The following PRDM1 variants were observed in gnomAD, a reference collection of about 807,000 sequenced individuals.
PRDM1 encodes PR domain zinc finger protein 1.
A neutral mutation model predicts 62.8 loss-of-function variants in PRDM1; 13 were observed. That is an observed-to-expected ratio of 0.21 (90% CI 0.13 to 0.33). The LOEUF is 0.33. PRDM1 is among the 10% of genes least tolerant of loss of function. PRDM1 has a pLI of 1.00. For synonymous variants in PRDM1, 396 were observed against 417.6 expected (o/e 0.95, Z 0.63); for missense variants, 895 against 1,058.8 (o/e 0.85, Z 2.15).
At chr6:106,033,068 G>A (rs1772868884) in intron 1 of PRDM1, among the ~76,000 whole-genome samples, 1 of 38,286 alleles carries the variant, frequency 2.6e-5, no homozygotes, top group South Asian at 1.7e-3. Context: ...CAAAACATGG[G>A]TAGTTTTTTT....
chr6:106,023,273 A>G (rs981097159), intron 1 of PRDM1, among the ~76,000 whole-genome samples: 4 of 151,988 alleles, frequency 2.6e-5, no homozygotes, highest in African/African-American at 7.2e-5. Flanking sequence ...TTCCTCTACT[A>G]TGGGGTATTT....
chr6:106,043,776 C>T (rs1582436242), upstream of PRDM1, among the ~76,000 whole-genome samples: 1 of 152,106 alleles, frequency 6.6e-6, no homozygotes, highest in South Asian at 2.1e-4. Context: ...TCCAGTGATC[C>T]GCCCGCCTCA....
chr6:106,059,983 T>G (rs749883306), intron 1 of PRDM1, among the ~76,000 whole-genome samples: 18 of 152,212 alleles, frequency 1.2e-4, no homozygotes, highest in Non-Finnish European at 1.9e-4. Context: ...GGATTAAGAT[T>G]GATATGTCCA....
chr6:106,069,669 C>T (rs1051502406), intron 1 of PRDM1, among the ~76,000 whole-genome samples: 1 of 152,184 alleles, frequency 6.6e-6, no homozygotes, highest in African/African-American at 2.4e-5. Context: ...GTGCCAAACA[C>T]GTGGAAGGTA....
At position 106,003,285 on chromosome 6, in the gene PRDM1, G is replaced by A. The variant is rs1239072561; in HGVS notation, c.-67+9646G>A. Among the ~76,000 whole-genome samples the A allele has an allele frequency of 2.6e-5, 4 of 152,170 alleles. No individual in the cohort carries two copies. In the East Asian group the frequency reaches 7.7e-4, roughly 29 times the overall value. On this transcript the variant is annotated intron_variant, in intron 1 of 6. Coordinates refer to the PRDM1 transcript ENST00000652320. The stretch of plus-strand genomic sequence containing the variant: ...CACAAATCAGGATCTTCCCTGGCAG[G>A]TCATCAGATACTGACTACTGTGTGT...
chr6:106,059,682 T>A (rs1290629482), intron 1 of PRDM1, among the ~76,000 whole-genome samples: 4 of 152,280 alleles, frequency 2.6e-5, no homozygotes, highest in African/African-American at 9.6e-5. Flanking sequence ...AAGAGGAAGA[T>A]CACTTAGTAG....
intron 3 of PRDM1, among the ~76,000 whole-genome samples, chr6:106,096,583 T>C (rs1405845934): frequency 2.0e-5 from 3 of 152,214 alleles, no homozygotes; most frequent in African/African-American, 7.2e-5. Context: ...CATTTGACAA[T>C]AGGTTAATTA....
In PRDM1 at chr6:106,009,602, A is replaced by G. The variant is rs146372970; in HGVS notation, c.-67+15963A>G. On this transcript the variant is annotated intron_variant, in intron 1 of 6. Transcript: ENST00000652320. Reference sequence around the variant, plus strand: ...GGAAAACTGTATCAAGGTGGAAACCATAAATGAACAAATTAGGGGTGCATG... The same window carrying G: ...GGAAAACTGTATCAAGGTGGAAACCGTAAATGAACAAATTAGGGGTGCATG... Among the ~76,000 whole-genome samples, 46 of 152,360 alleles carry G rather than the reference A, an allele frequency of 3.0e-4. No individual in the cohort carries two copies. The East Asian group carries it at 8.7e-3, about 29-fold the overall frequency.
intron 1 of PRDM1, among the ~76,000 whole-genome samples, chr6:106,042,043 AG>A (rs1256013781): frequency 6.6e-6 from 1 of 151,418 alleles, no homozygotes; most frequent in African/African-American, 2.4e-5. Flanking sequence ...CCAGAACTCA[AG>A]TGATCTGCCC....
intron 1 of PRDM1, among the ~76,000 whole-genome samples, chr6:106,016,908 T>C (rs941308960): frequency 9.9e-5 from 15 of 152,272 alleles, no homozygotes; most frequent in Admixed American, 2.6e-4. Context: ...CGCCTTGGCC[T>C]CCCAAAGTGC....
chr6:106,027,480 G>C (rs1480370085), intron 1 of PRDM1, among the ~76,000 whole-genome samples: 1 of 152,196 alleles, frequency 6.6e-6, no homozygotes, highest in Non-Finnish European at 1.5e-5. Flanking sequence ...TGCTGGGCTT[G>C]TGTGATCAGT....
At chr6:106,098,551 G>A (rs1774176359) in intron 3 of PRDM1, 2 of 1,283,698 alleles carry the variant, frequency 1.6e-6, no homozygotes, top group Non-Finnish European at 2.0e-6. Context: ...CCAGATAAGG[G>A]GTTCCCTTCC....
chr6:106,102,835 C>T (rs1164015819), intron 4 of PRDM1, among the ~76,000 whole-genome samples: 1 of 152,064 alleles, frequency 6.6e-6, no homozygotes, highest in East Asian at 1.9e-4. Context: ...TTTATTCGAG[C>T]GGCATCGTTT....
intron 1 of PRDM1, among the ~76,000 whole-genome samples, chr6:106,074,342 A>G (rs905943458): frequency 7.2e-5 from 11 of 152,194 alleles, no homozygotes; most frequent in Non-Finnish European, 1.3e-4. Context: ...CCACGTACCA[A>G]ACACTTGTGG....
At chr6:106,020,850 A>G (rs1562146140) in intron 1 of PRDM1, among the ~76,000 whole-genome samples, 1 of 152,174 alleles carries the variant, frequency 6.6e-6, no homozygotes, top group Non-Finnish European at 1.5e-5. Context: ...TCACACCTAA[A>G]TCTCAATTTC....
At chr6:106,077,969 T>G (rs995939499) in intron 1 of PRDM1, among the ~76,000 whole-genome samples, 1 of 152,244 alleles carries the variant, frequency 6.6e-6, no homozygotes, top group East Asian at 1.9e-4. Flanking sequence ...TCTTTCTTGC[T>G]CGGTAAATGT....
At chr6:106,010,720 T>C (rs1186839366) in intron 1 of PRDM1, among the ~76,000 whole-genome samples, 3 of 152,214 alleles carry the variant, frequency 2.0e-5, no homozygotes, top group Non-Finnish European at 4.4e-5. Flanking sequence ...CTCTGAAGCA[T>C]GACACCGTGG....
chr6:106,104,862 G>GA lies in PRDM1; in HGVS notation c.707dup (p.Asn236LysfsTer2). Reference sequence around the variant, plus strand: ...GCAGTCTAAAGCAACCGAGCACTGAGAAAAATGAACTCTGCCCAAAGAATG... The same window carrying GA: ...GCAGTCTAAAGCAACCGAGCACTGAGAAAAAATGAACTCTGCCCAAAGAATG... On this transcript the variant is annotated frameshift_variant, in exon 5 of 7. Coordinates refer to ENST00000369096, the MANE Select transcript of PRDM1 (RefSeq NM_001198.4). LOFTEE classifies it high-confidence loss of function. The GA allele has an allele frequency of 6.2e-7, 1 of 1,613,944 alleles. No homozygotes were observed. The highest frequency in any genetic ancestry group is 8.5e-7 in the Non-Finnish European group (1 of 1,179,996).
upstream of PRDM1, among the ~76,000 whole-genome samples, chr6:106,084,151 G>GT (rs988112694): frequency 1.3e-4 from 20 of 149,130 alleles, no homozygotes; most frequent in South Asian, 4.2e-4. Flanking sequence ...TGGTTTGGAG[G>GT]TTTTTTTTTT....
Sources: gnomAD v4.1 joint callset for allele counts (sites outside exome capture counted in the v4.1 genomes callset) on GRCh38, gnomAD v4.1.1 for gene constraint, MANE v1.5 for transcripts, NCBI Gene and HGNC (gene_info 2026-07-23, HGNC 2026-07-21) for gene names.